DLGAP1: variants seen among roughly 807,000 people sequenced by gnomAD.
DLGAP1 encodes the protein disks large-associated protein 1.
In DLGAP1, 11 loss-of-function variants were observed where a neutral mutation model predicts 90.8. That is an observed-to-expected ratio of 0.12 (90% CI 0.08 to 0.20). DLGAP1 has a LOEUF of 0.20. Among genes scored for constraint, DLGAP1 ranks in the 10% least tolerant of loss-of-function variants. DLGAP1 has a pLI of 1.00. For missense variants in DLGAP1, 1,050 were observed against 1,333.8 expected (o/e 0.79, Z 3.31); for synonymous variants, 558 against 540.7 (o/e 1.03, Z -0.44).
Position 4,112,432 on chromosome 18 carries a change from G to T in DLGAP1, c.-159+38748C>A, listed in dbSNP as rs115783481. Among the ~76,000 whole-genome samples the T allele has an allele frequency of 2.4e-3, 371 of 152,170 alleles. 3 individuals are homozygous for T. Among genetic ancestry groups the T allele is most frequent in the African/African-American group, 8.7e-3 (360 of 41,538 alleles). ...ATTCTATAGATGTCTGTTAGATCTTGTTAGTTTATACTGTTCGAGTTTTTG... is the reference window on the plus strand; with the variant it reads ...ATTCTATAGATGTCTGTTAGATCTTTTTAGTTTATACTGTTCGAGTTTTTG... On this transcript the variant is annotated intron_variant, in intron 2 of 12. Coordinates refer to ENST00000315677, the MANE Select transcript of DLGAP1 (RefSeq NM_004746.4).
chr18:4,291,843 TGAA>T (rs1321496415), intron 1 of DLGAP1, among the ~76,000 whole-genome samples: 1 of 152,132 alleles, frequency 6.6e-6, no homozygotes. Flanking sequence ...GCATCGATCT[TGAA>T]GGAAGAGCAC....
intron 5 of DLGAP1, among the ~76,000 whole-genome samples, chr18:3,762,180 T>C (rs911207227): frequency 6.6e-6 from 1 of 152,212 alleles, no homozygotes. Context: ...AAACTCAATA[T>C]AATATTGTTG....
chr18:3,654,543 G>T (rs2059417524), intron 7 of DLGAP1, among the ~76,000 whole-genome samples: 1 of 152,184 alleles, frequency 6.6e-6, no homozygotes, highest in Non-Finnish European at 1.5e-5. Flanking sequence ...GCCATTCCTT[G>T]ATAAAACATC....
intron 4 of DLGAP1, among the ~76,000 whole-genome samples, chr18:3,857,600 C>T (rs2069730081): frequency 6.6e-6 from 1 of 152,150 alleles, no homozygotes; most frequent in South Asian, 2.1e-4. Context: ...TAAACTTTCC[C>T]TGTTTCTTGA....
At chr18:4,029,033 T>C (rs1044919919) in intron 2 of DLGAP1, among the ~76,000 whole-genome samples, 1 of 152,212 alleles carries the variant, frequency 6.6e-6, no homozygotes, top group Non-Finnish European at 1.5e-5. Context: ...ACCTTCTCCA[T>C]AGTAACCACT....
At chr18:3,740,913 A>T (rs2062880146) in intron 6 of DLGAP1, among the ~76,000 whole-genome samples, 1 of 139,014 alleles carries the variant, frequency 7.2e-6, no homozygotes, top group African/African-American at 2.7e-5. Flanking sequence ...CATTACCAAC[A>T]CCACCACCAC....
intron 1 of DLGAP1, among the ~76,000 whole-genome samples, chr18:4,315,015 C>T (rs2080492504): frequency 6.6e-6 from 1 of 152,124 alleles, no homozygotes; most frequent in Non-Finnish European, 1.5e-5. Context: ...AAATTTATTA[C>T]TTAGACTATT....
At chr18:4,274,108 G>A (rs995623914) in intron 1 of DLGAP1, among the ~76,000 whole-genome samples, 4 of 151,170 alleles carry the variant, frequency 2.6e-5, no homozygotes, top group Non-Finnish European at 5.9e-5. Context: ...TGGAAGGTTA[G>A]GTTATTTATT....
intron 1 of DLGAP1, among the ~76,000 whole-genome samples, chr18:4,299,067 C>T (rs1177880408): frequency 1.3e-4 from 17 of 130,568 alleles, no homozygotes; most frequent in East Asian, 8.6e-4. Flanking sequence ...GGCGACAGAG[C>T]GAGACTCTGT....
chr18:3,627,824 AT>A (rs1288861372), intron 7 of DLGAP1, among the ~76,000 whole-genome samples: 1 of 130,000 alleles, frequency 7.7e-6, no homozygotes, highest in Non-Finnish European at 1.6e-5. Context: ...TCCCTCCGCT[AT>A]TTTTTCTTTC....
At chr18:4,035,183 G>T (rs1051619334) in intron 2 of DLGAP1, among the ~76,000 whole-genome samples, 5 of 152,144 alleles carry the variant, frequency 3.3e-5, no homozygotes, top group African/African-American at 1.2e-4. Flanking sequence ...AATCCTTTGG[G>T]TATATACCCA....
At chr18:3,884,605 A>C (rs909859545) in intron 3 of DLGAP1, among the ~76,000 whole-genome samples, 7 of 152,232 alleles carry the variant, frequency 4.6e-5, no homozygotes, top group Non-Finnish European at 8.8e-5. Context: ...CAAGCAGAGC[A>C]AACGAAGAGC....
intron 3 of DLGAP1, among the ~76,000 whole-genome samples, chr18:3,954,397 T>C (rs2073045724): frequency 6.6e-6 from 1 of 152,252 alleles, no homozygotes; most frequent in South Asian, 2.1e-4. Flanking sequence ...ACAGATCTTA[T>C]TTTAATTGAC....
intron 1 of DLGAP1, among the ~76,000 whole-genome samples, chr18:4,310,927 C>G (rs529773920): frequency 3.1e-4 from 47 of 152,244 alleles, no homozygotes; most frequent in African/African-American, 9.9e-4. Flanking sequence ...TACAGAACAC[C>G]GTAGGTGCCT....
Position 4,342,722 on chromosome 18 carries a change from T to C in DLGAP1, c.-267+112284A>G, listed in dbSNP as rs1330705983. On this transcript the variant is annotated intron_variant, in intron 1 of 12. Coordinates refer to ENST00000315677, the MANE Select transcript of DLGAP1 (RefSeq NM_004746.4). This position sits in a 1 kb window ranked among gnomAD's most constrained non-coding sequence, Gnocchi z 5.8. Reference sequence around the variant, plus strand: ...GTTGAAAGATTTGACATATCATTCTTATACCTGCTTGCTTACACAATTAAG... The same window carrying C: ...GTTGAAAGATTTGACATATCATTCTCATACCTGCTTGCTTACACAATTAAG... 6.6e-6 allele frequency among the ~76,000 whole-genome samples: 1 copy of C among 152,228 alleles called. No individual in the cohort carries two copies. The highest frequency in any genetic ancestry group is 1.5e-5 in the Non-Finnish European group (1 of 68,042).
intron 1 of DLGAP1, among the ~76,000 whole-genome samples, chr18:4,416,036 T>A (rs923317047): frequency 6.6e-6 from 1 of 152,202 alleles, no homozygotes; most frequent in Non-Finnish European, 1.5e-5. Flanking sequence ...TGCTCTTCAA[T>A]AAACACATTG....
chr18:3,499,463 G>A lies in DLGAP1; in HGVS notation c.2725-69C>T. ...ACAAGCTTGGGAAAAACTGGGATAG[G>A]TCAGTAGTTAGAACACACAGTTTTT... On this transcript the variant is annotated intron_variant, in intron 12 of 12. Coordinates refer to ENST00000315677, the MANE Select transcript of DLGAP1 (RefSeq NM_004746.4). This position sits in a 1 kb window ranked among gnomAD's most constrained non-coding sequence, Gnocchi z 6.4. 1.3e-6 allele frequency: 2 copies of A among 1,500,366 alleles called. No individual in the cohort carries two copies. The highest frequency in any genetic ancestry group is 2.5e-5 in the South Asian group (2 of 81,434). The allele number at this position is 1,500,366 out of a possible 1,614,324, so 92.9% of individuals were successfully genotyped here.
intron 7 of DLGAP1, among the ~76,000 whole-genome samples, chr18:3,658,288 T>C (rs1363783373): frequency 6.6e-6 from 1 of 152,250 alleles, no homozygotes; most frequent in Admixed American, 6.5e-5. Flanking sequence ...ATTTATCTAA[T>C]TGTAAGTTAC....
At chr18:4,419,546 T>TGCTAA (rs1432274251) in intron 1 of DLGAP1, among the ~76,000 whole-genome samples, 1 of 152,164 alleles carries the variant, frequency 6.6e-6, no homozygotes, top group Non-Finnish European at 1.5e-5. Flanking sequence ...ATTTTAATTG[T>TGCTAA]GCTAAAATAT....
Sources: allele counts gnomAD v4.1 joint callset (sites outside exome capture counted in the v4.1 genomes callset), GRCh38; gene constraint gnomAD v4.1.1; non-coding constraint Gnocchi (gnomAD v3.1); transcripts MANE v1.5; gene names NCBI Gene and HGNC (gene_info 2026-07-23, HGNC 2026-07-21).